The following FRMPD4 variants were observed in gnomAD, a reference collection of about 807,000 sequenced individuals.
FRMPD4 encodes FERM and PDZ domain-containing protein 4.
FRMPD4 carries 22 observed loss-of-function variants against 94.1 expected under a neutral mutation model. The ratio of observed to expected loss-of-function variants is 0.23; its 90% confidence interval spans 0.17 to 0.33. FRMPD4 has a LOEUF of 0.33. FRMPD4 is among the 10% of genes least tolerant of loss of function. The probability of loss-of-function intolerance (pLI) is 1.00; values close to 1 mark genes in which losing one functional copy is unlikely to be tolerated. For synonymous variants in FRMPD4, 631 were observed against 548.6 expected (o/e 1.15, Z -2.10); for missense variants, 1,111 against 1,339.9 (o/e 0.83, Z 2.67).
chrX:12,128,680 C>G (rs948493346), intron 3 of FRMPD4, among the ~76,000 whole-genome samples: 3 of 112,131 alleles, frequency 2.7e-5, no homozygotes, highest in Admixed American at 9.4e-5. Flanking sequence ...TGCAAATGCT[C>G]TGCTTCCCTT....
At chrX:12,630,074 G>A (rs1056432913) in intron 4 of FRMPD4, among the ~76,000 whole-genome samples, 1 of 112,459 alleles carries the variant, frequency 8.9e-6, no homozygotes, top group African/African-American at 3.2e-5. Flanking sequence ...GTGTGCAGCA[G>A]TGTGACATGG....
chrX:12,331,484 CA>C (rs1387391724), intron 1 of FRMPD4, among the ~76,000 whole-genome samples: 3 of 100,108 alleles, frequency 3.0e-5, no homozygotes, highest in Non-Finnish European at 4.0e-5. Flanking sequence ...ACACAGAGAA[CA>C]AAAGGCATTT....
At chrX:12,002,762 CTA>C (rs1413445241) in intron 3 of FRMPD4, among the ~76,000 whole-genome samples, 1 of 111,884 alleles carries the variant, frequency 8.9e-6, no homozygotes, top group Non-Finnish European at 1.9e-5. Flanking sequence ...TAAGCAGTTA[CTA>C]TGTATCTCAT....
intron 3 of FRMPD4, among the ~76,000 whole-genome samples, chrX:11,972,748 G>A (rs1445681000): frequency 2.7e-5 from 3 of 112,370 alleles, no homozygotes; most frequent in African/African-American, 9.7e-5. Context: ...CATAATGGGT[G>A]CCTTATAAAT....
At chrX:11,898,026 G>A (rs1276121245) in intron 3 of FRMPD4, among the ~76,000 whole-genome samples, 1 of 111,406 alleles carries the variant, frequency 9.0e-6, no homozygotes, top group Admixed American at 9.5e-5. Flanking sequence ...AATGGGGACA[G>A]AGTATTCTAG....
intron 3 of FRMPD4, among the ~76,000 whole-genome samples, chrX:11,982,463 T>C (rs1169988452): frequency 9.0e-6 from 1 of 111,720 alleles, no homozygotes; most frequent in African/African-American, 3.2e-5. Flanking sequence ...TTTCAACAAT[T>C]CTGTAAAACT....
rs1443633191 is a variant in FRMPD4, at chrX:12,171,107, T to C, written c.41+32095T>C. On this transcript the variant is annotated intron_variant, in intron 1 of 16. Transcript: ENST00000675598. ...CTTTTGGAGTCTAGAAACCACTTTT[T>C]ATTTCCCTGGTCATAAGAATCTGTA... Among the ~76,000 whole-genome samples the C allele has an allele frequency of 3.5e-5, 4 of 112,837 alleles. No homozygotes were observed. In the East Asian group the frequency reaches 1.1e-3, roughly 31 times the overall value.
intron 1 of FRMPD4, among the ~76,000 whole-genome samples, chrX:12,388,850 T>TACACACAC (rs1395867975): frequency 1.4e-5 from 1 of 73,479 alleles, no homozygotes; most frequent in Non-Finnish European, 2.4e-5. Flanking sequence ...TATATATATA[T>TACACACAC]ACACACAATG....
At chrX:12,552,187 G>T (rs919020623) in intron 2 of FRMPD4, among the ~76,000 whole-genome samples, 2 of 111,540 alleles carry the variant, frequency 1.8e-5, no homozygotes, top group Non-Finnish European at 3.8e-5. Context: ...AGTAGCAAAT[G>T]GTATTTAAAT....
At chrX:12,662,958 A>G (rs1022108773) in intron 4 of FRMPD4, among the ~76,000 whole-genome samples, 2 of 111,975 alleles carry the variant, frequency 1.8e-5, no homozygotes, top group Non-Finnish European at 3.8e-5. Context: ...ACCAGTGATG[A>G]TAAACTTTTT....
intron 1 of FRMPD4, among the ~76,000 whole-genome samples, chrX:12,362,949 A>G (rs987570822): frequency 1.9e-4 from 21 of 112,069 alleles, no homozygotes; most frequent in Non-Finnish European, 3.4e-4. Context: ...TATTTCTCTG[A>G]TGGCCAGTGA....
chrX:12,423,945 A>AAAAC (rs34181624), intron 1 of FRMPD4, among the ~76,000 whole-genome samples: 20,596 of 111,050 alleles, frequency 0.19, 1,484 homozygotes, highest in South Asian at 0.3. Flanking sequence ...TGTTAAGTAT[A>AAAAC]AAACAAGAAA....
At chrX:12,261,322 C>T (rs2054185666) in intron 1 of FRMPD4, among the ~76,000 whole-genome samples, 1 of 111,389 alleles carries the variant, frequency 9.0e-6, no homozygotes, top group African/African-American at 3.3e-5. Flanking sequence ...TATACAAAGC[C>T]CTAAATTTTG....
At chrX:12,183,472 G>A (rs1159193354) in intron 1 of FRMPD4, among the ~76,000 whole-genome samples, 1 of 111,437 alleles carries the variant, frequency 9.0e-6, no homozygotes, top group Non-Finnish European at 1.9e-5. Context: ...GTCAAATAAC[G>A]GTCCTCACTA....
chrX:12,148,059 A>G (rs1569169468), intron 1 of FRMPD4, among the ~76,000 whole-genome samples: 1 of 111,994 alleles, frequency 8.9e-6, no homozygotes, highest in Non-Finnish European at 1.9e-5. Flanking sequence ...TATTGAAATC[A>G]GGCCAATTAA....
intron 4 of FRMPD4, among the ~76,000 whole-genome samples, chrX:12,656,791 C>T (rs2059660743): frequency 9.0e-6 from 1 of 111,587 alleles, no homozygotes; most frequent in African/African-American, 3.3e-5. Context: ...TCTATTGGTA[C>T]ATAACAAATT....
chrX:11,843,101 T>G (rs1183990634), intron 1 of FRMPD4, among the ~76,000 whole-genome samples: 1 of 112,220 alleles, frequency 8.9e-6, no homozygotes, highest in African/African-American at 3.2e-5. Context: ...TGCATGAAAT[T>G]AGTTGATTTC....
chrX:12,680,078 A>G lies in FRMPD4; in HGVS notation c.469-3405A>G, dbSNP rs372936708. On this transcript the variant is annotated intron_variant, in intron 5 of 16. Transcript: ENST00000675598. ...TTGCAAGTTCAAGACCTTGCCCTTC[A>G]ATTTCAGAAATTAATCTTATTTCTG... Among the ~76,000 whole-genome samples, 10 of 111,977 alleles carry G rather than the reference A, an allele frequency of 8.9e-5. No individual in the cohort carries two copies. The East Asian group carries it at 2.8e-3, about 31-fold the overall frequency.
Position 12,718,427 on chromosome X carries a change from T to C in FRMPD4, c.3601T>C (p.Ser1201Pro). 2 of 1,210,456 alleles carry C rather than the reference T, an allele frequency of 1.7e-6. No individual in the cohort carries two copies. The highest frequency in any genetic ancestry group is 2.3e-4 in the Middle Eastern group (1 of 4,351). Residue 1201 changes from serine (S) to proline (P), a missense_variant, in exon 16 of 17, where the codon TCA (serine) becomes CCA (proline). By Grantham distance (74) the Ser-to-Pro change is moderately conservative. Coordinates refer to ENST00000675598, the MANE Select transcript of FRMPD4 (RefSeq NM_001368397.1). ...CTACCACTTGGCCAAGCGGATGTCATCACTGCAAAGCGAGGGCCATTTTTC... is the reference window on the plus strand; with the variant it reads ...CTACCACTTGGCCAAGCGGATGTCACCACTGCAAAGCGAGGGCCATTTTTC... ...CDYHLAKRMSSLQSEGHFSLQ... is the reference protein window; with the variant it reads ...CDYHLAKRMSPLQSEGHFSLQ...
Sources: gnomAD v4.1 joint callset for allele counts (sites outside exome capture counted in the v4.1 genomes callset) on GRCh38, gnomAD v4.1.1 for gene constraint, MANE v1.5 for transcripts, NCBI Gene and HGNC (gene_info 2026-07-23, HGNC 2026-07-21) for gene names.